The following TMPRSS13 variants were observed in gnomAD, a reference collection of about 807,000 sequenced individuals.
TMPRSS13 encodes transmembrane protease serine 13.
In TMPRSS13, 50 loss-of-function variants were observed where a neutral mutation model predicts 68.4. The observed-to-expected ratio is 0.73, with a 90% CI of 0.58 to 0.93. The LOEUF (loss-of-function observed/expected upper bound fraction) is 0.93. Among genes scored for constraint, TMPRSS13 ranks in the 40% least tolerant of loss-of-function variants. The probability of loss-of-function intolerance (pLI) is 0.00; values close to 1 mark genes in which losing one functional copy is unlikely to be tolerated. For synonymous variants in TMPRSS13, 267 were observed against 285.8 expected, an observed-to-expected ratio of 0.93 and a Z score of 0.66; for missense variants, 615 against 729.2, an observed-to-expected ratio of 0.84 and a Z score of 1.80.
At position 117,918,602 on chromosome 11, in the gene TMPRSS13, TGG is replaced by T. The variant is rs746022626; in HGVS notation, c.256_257del (p.Pro86SerfsTer37). On this transcript the variant is annotated frameshift_variant, in exon 2 of 13. Coordinates refer to ENST00000524993, the MANE Select transcript of TMPRSS13 (RefSeq NM_001077263.3). LOFTEE classifies it high-confidence loss of function. ...ATGCCAGAGCCGGAGATGCCCGGGC[TGG>T]AGATGCCTGGGCTGGAGATGCCTGG... is the stretch of plus-strand genomic sequence containing the variant. ...PAQASPAQAS[P>X]ARASPALASL... is the part of the protein sequence containing the mutation. 0.013 allele frequency: 1,602 copies of T among 119,264 alleles called. 14 individuals are homozygous for T. The highest frequency in any genetic ancestry group is 0.05 in the Middle Eastern group (25 of 504). The allele number at this position is 119,264 out of a possible 1,614,324, so 7.4% of individuals were successfully genotyped here.
intron 1 of TMPRSS13, among the ~76,000 whole-genome samples, chr11:117,924,166 A>G (rs1282873068): frequency 2.6e-4 from 3 of 11,722 alleles, no homozygotes; most frequent in Non-Finnish European, 2.1e-3. Context: ...CAACATAGCA[A>G]GACCCCATCT....
intron 1 of TMPRSS13, among the ~76,000 whole-genome samples, chr11:117,928,169 T>C (rs975558804): frequency 2.0e-5 from 3 of 152,216 alleles, no homozygotes; most frequent in African/African-American, 4.8e-5. Flanking sequence ...GGGTTCACCT[T>C]CTGCATGCCC....
Position 117,904,100 on chromosome 11 carries a change from G to T in TMPRSS13, c.1383C>A (p.Asp461Glu). The T allele has an allele frequency of 6.2e-7, 1 of 1,613,820 alleles. No individual in the cohort carries two copies. The highest frequency in any genetic ancestry group is 8.5e-7 in the Non-Finnish European group (1 of 1,179,814). ...CCTCCCGGAGGAAGGGGGATGTCTT[G>T]TCTTCAGTGAAGTGGGGTGGAGGAG... is the stretch of plus-strand genomic sequence containing the variant. ...TGFGKTRETD[D>E]KTSPFLREVQ... Residue 461 changes from aspartate to glutamate, a missense_variant and splice_region_variant, in exon 11 of 13, where the codon GAC becomes GAA. Coordinates refer to ENST00000524993, the MANE Select transcript of TMPRSS13 (RefSeq NM_001077263.3).
rs779181798 is a variant in TMPRSS13, at chr11:117,903,858, C to T, written c.1525-51G>A. 2.4e-5 allele frequency: 38 copies of T among 1,599,058 alleles called. No homozygotes were observed. The East Asian group carries it at 4.1e-4, about 17-fold the overall frequency. On this transcript the variant is annotated intron_variant, in intron 11 of 12. Coordinates refer to ENST00000524993, the MANE Select transcript of TMPRSS13 (RefSeq NM_001077263.3). ...CAGGATGGGACAGGTGGTCCATGAG[C>T]GGGAAAGGGTGGGGTCCCAATTCCC...
Position 117,918,857 on chromosome 11 carries a change from G to A in TMPRSS13, c.22-19C>T, listed in dbSNP as rs1334835328. On this transcript the variant is annotated intron_variant, in intron 1 of 12. Transcript: ENST00000524993. ...ATGCATTCTGAAAGCAGATCGAAGA[G>A]TATCCCACAGGCTGCTCCCCTGCCA... 1 of 1,611,522 alleles carries A rather than the reference G, an allele frequency of 6.2e-7. No individual in the cohort carries two copies. The highest frequency in any genetic ancestry group is 8.5e-7 in the Non-Finnish European group (1 of 1,179,770).
rs1217990942 is a variant in TMPRSS13 at position 117,911,944 on chromosome 11, C to G, written c.810-84G>C. The G allele has an allele frequency of 3.0e-5, 34 of 1,120,000 alleles. 1 individual carries two copies. Among genetic ancestry groups the G allele is most frequent in the African/African-American group, 1.7e-4 (11 of 65,616 alleles). The allele number at this position is 1,120,000 out of a possible 1,614,324, so 69.4% of individuals were successfully genotyped here. ...CTCCAGCAGGCTAGAGCCCCACCAG[C>G]CCTGCCGACAGAGGCCAGACTGTGA... On this transcript the variant is annotated intron_variant, in intron 5 of 12. Coordinates refer to ENST00000524993, the MANE Select transcript of TMPRSS13 (RefSeq NM_001077263.3).
Position 117,904,068 on chromosome 11 carries a change from A to G in TMPRSS13, c.1415T>C (p.Val472Ala), listed in dbSNP as rs1045172868. 1.1e-5 allele frequency: 17 copies of G among 1,613,950 alleles called. No individual in the cohort carries two copies. The highest frequency in any genetic ancestry group is 1.4e-5 in the Non-Finnish European group (17 of 1,179,998). Residue 472 changes from valine (V) to alanine (A), a missense_variant, in exon 11 of 13, where the codon GTC becomes GCC. Transcript: ENST00000524993. Reference protein sequence around the residue: ...KTSPFLREVQVNLIDFKKCND... With the variant: ...KTSPFLREVQANLIDFKKCND... ...GCATTTCTTGAAGTCGATGAGATTGACCTGCACCTCCCGGAGGAAGGGGGA... is the reference window on the plus strand; with the variant it reads ...GCATTTCTTGAAGTCGATGAGATTGGCCTGCACCTCCCGGAGGAAGGGGGA...
At chr11:117,917,490 C>T (rs914336430) in intron 2 of TMPRSS13, among the ~76,000 whole-genome samples, 3 of 152,226 alleles carry the variant, frequency 2.0e-5, no homozygotes, top group Admixed American at 6.5e-5. Flanking sequence ...CCCTGCCTGG[C>T]ACCAGCAGCG....
rs377518523 is a variant in TMPRSS13 at position 117,929,247 on chromosome 11, C to T, written c.21+40G>A. On this transcript the variant is annotated intron_variant, in intron 1 of 12. Coordinates refer to ENST00000524993, the MANE Select transcript of TMPRSS13 (RefSeq NM_001077263.3). ...CCCAGCCTCAGCCCTGCTTCCTCAG[C>T]GCTGGGAGAATCTGGCCCGAGGCCT... 6.0e-5 allele frequency: 95 copies of T among 1,580,016 alleles called. No homozygotes were observed. In the Middle Eastern group the frequency reaches 8.3e-4, roughly 14 times the overall value.
chr11:117,908,979 G>C (rs1444409511), intron 8 of TMPRSS13, among the ~76,000 whole-genome samples, 195 bp from the exon 9 acceptor site: 1 of 152,154 alleles, frequency 6.6e-6, no homozygotes, highest in Non-Finnish European at 1.5e-5. Flanking sequence ...AAAATTATGA[G>C]CTTGCAGCTC....
At position 117,923,627 on chromosome 11, in the gene TMPRSS13, T is replaced by C. The variant is rs547851590; in HGVS notation, c.22-4789A>G. Among the ~76,000 whole-genome samples, 150 of 151,972 alleles carry C rather than the reference T, an allele frequency of 9.9e-4. 1 individual carries two copies. Among genetic ancestry groups the C allele is most frequent in the African/African-American group, 3.4e-3 (140 of 41,432 alleles). ...CACCCTATAAAAAGCTCTCCCGCAA[T>C]TGAACAATGAGAACACTTGGACACA... On this transcript the variant is annotated intron_variant, in intron 1 of 12. Coordinates refer to ENST00000524993, the MANE Select transcript of TMPRSS13 (RefSeq NM_001077263.3).
intron 1 of TMPRSS13, among the ~76,000 whole-genome samples, chr11:117,926,109 C>T (rs1363008786): frequency 6.8e-6 from 1 of 146,254 alleles, no homozygotes; most frequent in Non-Finnish European, 1.5e-5. Flanking sequence ...GAGGGATGCA[C>T]ACCTGCAGAG....
chr11:117,909,180 G>C (rs2057494941), intron 8 of TMPRSS13, among the ~76,000 whole-genome samples: 6 of 152,220 alleles, frequency 3.9e-5, no homozygotes, highest in Admixed American at 3.9e-4. Context: ...GCTGGGACTA[G>C]GGATGGGGAC....
At position 117,914,433 on chromosome 11, in the gene TMPRSS13, C is replaced by T; in HGVS notation, c.638G>A (p.Gly213Glu). ...ACTCTTCAGCTTGCAGTCCACCACC[C>T]CGTCACAGCGAACAGCGTGCTTGGG... ...SCPKHAVRCDGVVDCKLKSDE... is the reference protein window; with the variant it reads ...SCPKHAVRCDEVVDCKLKSDE... Residue 213 changes from glycine to glutamate, a missense_variant, in exon 4 of 13, where the codon GGG becomes GAG. Gly to Glu is a moderately conservative substitution (Grantham distance 98). Coordinates refer to ENST00000524993, the MANE Select transcript of TMPRSS13 (RefSeq NM_001077263.3). This position sits in a 1 kb window ranked among gnomAD's most constrained non-coding sequence, Gnocchi z 4.2. 1 of 1,614,116 alleles carries T rather than the reference C, an allele frequency of 6.2e-7. No individual in the cohort carries two copies. Among genetic ancestry groups the T allele is most frequent in the Non-Finnish European group, 8.5e-7 (1 of 1,180,026 alleles).
At chr11:117,905,360 TTC>T (rs2057454073) in intron 10 of TMPRSS13, among the ~76,000 whole-genome samples, 1 of 152,056 alleles carries the variant, frequency 6.6e-6, no homozygotes, top group Admixed American at 6.6e-5. Context: ...TCATGGTGTG[TTC>T]TCTCTCTCAT....
chr11:117,927,824 C>A (rs2057721198), intron 1 of TMPRSS13, among the ~76,000 whole-genome samples: 1 of 152,126 alleles, frequency 6.6e-6, no homozygotes, highest in Non-Finnish European at 1.5e-5. Flanking sequence ...TCTTCCATTC[C>A]AAGGTAAGTT....
At chr11:117,925,396 C>T (rs544783185) in intron 1 of TMPRSS13, among the ~76,000 whole-genome samples, 1 of 151,600 alleles carries the variant, frequency 6.6e-6, no homozygotes, top group East Asian at 1.9e-4. Context: ...TTCATTCATT[C>T]GTTCATTCAC....
rs1213225479 is a variant in TMPRSS13 at position 117,901,658 on chromosome 11, G to A, written c.*581C>T. 1.3e-5 allele frequency: 2 copies of A among 153,358 alleles called. No homozygotes were observed. Among genetic ancestry groups the A allele is most frequent in the East Asian group, 3.8e-4 (2 of 5,216 alleles). 9.5% of individuals were successfully genotyped at this position (153,358 alleles called of 1,614,324 possible). On this transcript the variant is annotated 3_prime_UTR_variant, in exon 13 of 13. Coordinates refer to ENST00000524993, the MANE Select transcript of TMPRSS13 (RefSeq NM_001077263.3). ...AATCCTCATCTCAGTTGTCAGCCTG[G>A]TTAGCCACAGCACAGTCCGACTGGT...
rs3839950 is a variant in TMPRSS13 at position 117,902,072 on chromosome 11, GCACA to G, written c.*163_*166del. ...TGGGAGAGTGGCAATGCACACATATGCACACACACACACACACACACACACACAC... is the reference window on the plus strand; with the variant it reads ...TGGGAGAGTGGCAATGCACACATATGCACACACACACACACACACACACAC... On this transcript the variant is annotated 3_prime_UTR_variant, in exon 13 of 13. Transcript: ENST00000524993. 91,256 of 633,792 alleles carry G rather than the reference GCACA, an allele frequency of 0.14. 2,261 individuals are homozygous for G. The highest frequency in any genetic ancestry group is 0.17 in the Non-Finnish European group (61,253 of 361,456). 39.3% of individuals were successfully genotyped at this position (633,792 alleles called of 1,614,324 possible).
Sources: gnomAD v4.1 joint callset for allele counts (sites outside exome capture counted in the v4.1 genomes callset) on GRCh38, gnomAD v4.1.1 for gene constraint, Gnocchi (gnomAD v3.1) non-coding constraint, MANE v1.5 for transcripts, NCBI Gene and HGNC (gene_info 2026-07-23, HGNC 2026-07-21) for gene names.